Variants in FHL5 observed in about 807,000 individuals in gnomAD.
The protein encoded by FHL5 is four and a half LIM domains protein 5.
Under a neutral mutation model 32.0 loss-of-function variants are expected in FHL5, and 33 were observed. The ratio of observed to expected loss-of-function variants is 1.03; its 90% confidence interval spans 0.78 to 1.38. FHL5 has a LOEUF of 1.38. Ranked by LOEUF, FHL5 falls within the 40% of genes most tolerant of loss-of-function variation. FHL5 has a pLI of 0.00. For synonymous variants in FHL5, 114 were observed against 113.6 expected, an observed-to-expected ratio of 1.00 and a Z score of -0.02; for missense variants, 336 against 343.9, an observed-to-expected ratio of 0.98 and a Z score of 0.18.
chr6:96,608,712 C>T (rs919173111), intron 4 of FHL5, among the ~76,000 whole-genome samples: 1 of 152,080 alleles, frequency 6.6e-6, no homozygotes, highest in African/African-American at 2.4e-5. Context: ...ATTATTGCCC[C>T]CACTTTTTCA....
intron 5 of FHL5, among the ~76,000 whole-genome samples, chr6:96,613,345 C>A (rs1389242844): frequency 6.6e-6 from 1 of 152,168 alleles, no homozygotes; most frequent in Non-Finnish European, 1.5e-5. Context: ...TGAACAAACT[C>A]CAGATATAGC....
At chr6:96,591,383 A>G (rs781382595) in intron 1 of FHL5, among the ~76,000 whole-genome samples, 9 of 152,128 alleles carry the variant, frequency 5.9e-5, no homozygotes, top group Non-Finnish European at 1.3e-4. Context: ...ATTTACATAG[A>G]TTCATCTACA....
intron 1 of FHL5, among the ~76,000 whole-genome samples, chr6:96,569,240 T>A (rs1337842352): frequency 6.6e-6 from 1 of 152,098 alleles, no homozygotes; most frequent in Non-Finnish European, 1.5e-5. Context: ...TTTCTATGTA[T>A]TTGTACAATT....
intron 1 of FHL5, among the ~76,000 whole-genome samples, chr6:96,569,925 A>T (rs1267323673): frequency 6.6e-6 from 1 of 151,566 alleles, no homozygotes; most frequent in African/African-American, 2.4e-5. Flanking sequence ...AGGACTTAAC[A>T]TCCACCATTT....
chr6:96,583,650 T>A (rs1770739525), intron 1 of FHL5, among the ~76,000 whole-genome samples: 1 of 152,106 alleles, frequency 6.6e-6, no homozygotes, highest in Non-Finnish European at 1.5e-5. Context: ...TGTCAACAGA[T>A]TAACCACCTA....
chr6:96,570,264 C>T (rs571489088), intron 1 of FHL5, among the ~76,000 whole-genome samples: 34 of 152,192 alleles, frequency 2.2e-4, no homozygotes, highest in Non-Finnish European at 4.7e-4. Flanking sequence ...TCTTAGCTAG[C>T]AATTTTTTTT....
chr6:96,576,651 T>G (rs1562053084), intron 1 of FHL5, among the ~76,000 whole-genome samples: 1 of 152,238 alleles, frequency 6.6e-6, no homozygotes, highest in Admixed American at 6.5e-5. Flanking sequence ...TTCAGGGAGC[T>G]GTTTAAAGTG....
At chr6:96,581,683 C>A (rs1056826186) in intron 1 of FHL5, among the ~76,000 whole-genome samples, 3 of 152,138 alleles carry the variant, frequency 2.0e-5, no homozygotes, top group Non-Finnish European at 2.9e-5. Flanking sequence ...GTAGGTGAAT[C>A]AATGAGGGGC....
rs112971116 is a variant in FHL5, at chr6:96,618,144, C to T, written c.*2372C>T. Reference sequence around the variant, plus strand: ...AAGACCTCCTTAGGTCTTTGCGTAACACACACAAAGATAAATGTAAAAATT... The same window carrying T: ...AAGACCTCCTTAGGTCTTTGCGTAATACACACAAAGATAAATGTAAAAATT... On this transcript the variant is annotated 3_prime_UTR_variant, in exon 6 of 6. Transcript: ENST00000450218. 2.1e-3 allele frequency among the ~76,000 whole-genome samples: 317 copies of T among 152,284 alleles called. 1 individual carries two copies. The highest frequency in any genetic ancestry group is 4.8e-3 in the African/African-American group (200 of 41,558).
intron 1 of FHL5, among the ~76,000 whole-genome samples, chr6:96,601,286 A>T (rs1272871902): frequency 6.6e-6 from 1 of 152,004 alleles, no homozygotes; most frequent in Non-Finnish European, 1.5e-5. Flanking sequence ...GTGAGCCGAG[A>T]TCACACCACA....
chr6:96,579,163 AT>A (rs1377971852), intron 1 of FHL5, among the ~76,000 whole-genome samples: 1 of 152,208 alleles, frequency 6.6e-6, no homozygotes, highest in African/African-American at 2.4e-5. Context: ...TTGGTACAAA[AT>A]TCCAAAGGTA....
At chr6:96,595,088 C>T (rs990971913) in intron 1 of FHL5, among the ~76,000 whole-genome samples, 1 of 151,740 alleles carries the variant, frequency 6.6e-6, no homozygotes, top group Non-Finnish European at 1.5e-5. Flanking sequence ...TTTTCCTAAA[C>T]CTTCCGTTAG....
intron 1 of FHL5, among the ~76,000 whole-genome samples, chr6:96,572,806 C>T (rs999072820): frequency 6.6e-6 from 1 of 152,202 alleles, no homozygotes; most frequent in Non-Finnish European, 1.5e-5. Flanking sequence ...GAAGTTCCTC[C>T]TGGCTTCCAG....
chr6:96,609,715 A>G (rs887490045), intron 4 of FHL5, among the ~76,000 whole-genome samples: 2 of 152,212 alleles, frequency 1.3e-5, no homozygotes, highest in African/African-American at 4.8e-5. Flanking sequence ...TCATTCAACA[A>G]GGATTTTCAA....
In FHL5 at chr6:96,610,741, G is replaced by C. The variant is rs115799652; in HGVS notation, c.674G>C (p.Cys225Ser). The C allele has an allele frequency of 6.2e-7, 1 of 1,612,116 alleles. No individual in the cohort carries two copies. The highest frequency in any genetic ancestry group is 8.5e-7 in the Non-Finnish European group (1 of 1,178,694). ...NHLYANKCVA[C>S]SKPISGLTGA... ...CTTTATGCCAACAAGTGTGTAGCCTGTTCCAAACCCATTAGTGGTGAGTTC... is the reference window on the plus strand; with the variant it reads ...CTTTATGCCAACAAGTGTGTAGCCTCTTCCAAACCCATTAGTGGTGAGTTC... The change falls in exon 5 of 6, where the codon TGT (cysteine) becomes TCT (serine). Residue 225 changes from cysteine (C) to serine (S), a missense_variant. Cys to Ser is a moderately radical substitution (Grantham distance 112). Coordinates refer to ENST00000450218, the MANE Select transcript of FHL5 (RefSeq NM_001322466.2).
At chr6:96,592,851 T>C (rs1476675910) in intron 1 of FHL5, among the ~76,000 whole-genome samples, 1 of 152,148 alleles carries the variant, frequency 6.6e-6, no homozygotes, top group Non-Finnish European at 1.5e-5. Flanking sequence ...TTTTTAGTAG[T>C]TGTACCCTGA....
intron 1 of FHL5, among the ~76,000 whole-genome samples, chr6:96,581,641 T>G (rs1428987877): frequency 6.6e-6 from 1 of 152,088 alleles, no homozygotes; most frequent in Non-Finnish European, 1.5e-5. Flanking sequence ...CCCCATCAAA[T>G]GGCAAGTGAA....
intron 1 of FHL5, among the ~76,000 whole-genome samples, chr6:96,591,740 C>T (rs575768640): frequency 6.6e-6 from 1 of 152,158 alleles, no homozygotes; most frequent in South Asian, 2.1e-4. Context: ...GGGAAATTCA[C>T]CCCCGATATT....
At chr6:96,566,098 C>T (rs1164449048) in intron 1 of FHL5, among the ~76,000 whole-genome samples, 2 of 151,944 alleles carry the variant, frequency 1.3e-5, no homozygotes, top group African/African-American at 4.8e-5. Context: ...CAAACTTATT[C>T]CTCCTATCTA....
Sources: gnomAD v4.1 joint callset for allele counts (sites outside exome capture counted in the v4.1 genomes callset) on GRCh38, gnomAD v4.1.1 for gene constraint, MANE v1.5 for transcripts, NCBI Gene and HGNC (gene_info 2026-07-23, HGNC 2026-07-21) for gene names.